PIK3CB: variants seen among roughly 807,000 people sequenced by gnomAD.
PIK3CB encodes phosphatidylinositol-4,5-bisphosphate 3-kinase catalytic subunit beta.
In PIK3CB, 39 loss-of-function variants were observed where a neutral mutation model predicts 136.8. The observed-to-expected ratio is 0.29, with a 90% CI of 0.22 to 0.37. PIK3CB has a LOEUF of 0.37. PIK3CB is among the 10% of genes least tolerant of loss of function. The pLI is 1.00. For missense variants in PIK3CB, 868 were observed against 1,275.4 expected (o/e 0.68, Z 4.87); for synonymous variants, 428 against 436.6 (o/e 0.98, Z 0.25).
At position 138,755,804 on chromosome 3, in the gene PIK3CB, C is replaced by A. The variant is rs1323338734; in HGVS notation, c.347G>T (p.Cys116Phe). Residue 116 changes from cysteine (C) to phenylalanine (F), a missense_variant, in exon 4 of 24, where the codon TGT (cysteine) becomes TTT (phenylalanine). Cys to Phe is a radical substitution (Grantham distance 205). This residue lies in a region of PIK3CB where 612 missense variants were observed against 801.1 expected (regional missense o/e 0.76). Transcript: ENST00000674063. ...TGAGTCTAATTTTTCCCCTGGGTCA[C>A]AACTTCTTGTCACTAATTTGAGAAC... ...LPVLKLVTRSCDPGEKLDSKI... is the reference protein window; with the variant it reads ...LPVLKLVTRSFDPGEKLDSKI... 2 of 1,612,788 alleles carry A rather than the reference C, an allele frequency of 1.2e-6. No individual in the cohort carries two copies. Among genetic ancestry groups the A allele is most frequent in the South Asian group, 2.2e-5 (2 of 91,012 alleles).
At chr3:138,815,627 T>C (rs182848868) in intron 1 of PIK3CB, among the ~76,000 whole-genome samples, 15 of 152,268 alleles carry the variant, frequency 9.9e-5, no homozygotes, top group Non-Finnish European at 1.3e-4. Flanking sequence ...ATAATGACCA[T>C]GCTATGCTGC....
At chr3:138,816,599 T>C (rs1576430040) in intron 1 of PIK3CB, among the ~76,000 whole-genome samples, 5 of 852 alleles carry the variant, frequency 5.9e-3, no homozygotes, top group Admixed American at 0.091. Context: ...TGTCTCAAAA[T>C]AAATAAATAA....
In PIK3CB at chr3:138,794,685, CAG is replaced by C. The variant is rs571820593; in HGVS notation, c.-17+1776_-17+1777del. On this transcript the variant is annotated intron_variant, in intron 2 of 23. Coordinates refer to ENST00000674063, the MANE Select transcript of PIK3CB (RefSeq NM_006219.3). ...CTAGGGTTACAACAGTGAACAAAAACAGAGGTCCATTTCTCATGGAGTTGATA... is the reference window on the plus strand; with the variant it reads ...CTAGGGTTACAACAGTGAACAAAAACAGGTCCATTTCTCATGGAGTTGATA... 3.9e-5 allele frequency among the ~76,000 whole-genome samples: 6 copies of C among 152,200 alleles called. No homozygotes were observed. In the East Asian group the frequency reaches 9.7e-4, roughly 24 times the overall value.
At chr3:138,765,145 C>A (rs558486245) in intron 2 of PIK3CB, among the ~76,000 whole-genome samples, 8 of 152,260 alleles carry the variant, frequency 5.3e-5, no homozygotes, top group Non-Finnish European at 1.0e-4. Flanking sequence ...CATGGCGAAA[C>A]CCTGTCTCTA....
intron 4 of PIK3CB, among the ~76,000 whole-genome samples, chr3:138,754,860 G>T (rs1320964491): frequency 6.6e-6 from 1 of 152,116 alleles, no homozygotes; most frequent in Non-Finnish European, 1.5e-5. Context: ...AATCTCCAGT[G>T]GATTTTCTGG....
intron 19 of PIK3CB, among the ~76,000 whole-genome samples, chr3:138,665,864 C>T (rs1229160745): frequency 6.6e-6 from 1 of 152,210 alleles, no homozygotes; most frequent in Non-Finnish European, 1.5e-5. Context: ...GCCACCACAT[C>T]AGAGCAGCAA....
At chr3:138,763,892 C>T (rs1320159557) in intron 2 of PIK3CB, among the ~76,000 whole-genome samples, 1 of 148,612 alleles carries the variant, frequency 6.7e-6, no homozygotes, top group East Asian at 2.1e-4. Flanking sequence ...GCGGGCAGAT[C>T]ATGGGGTCAG....
At chr3:138,680,266 G>A (rs1577064927) in intron 19 of PIK3CB, among the ~76,000 whole-genome samples, 2 of 151,936 alleles carry the variant, frequency 1.3e-5, no homozygotes, top group East Asian at 3.9e-4. Context: ...GCTGAGGCAG[G>A]AGAATCACTT....
chr3:138,826,206 G>T lies in PIK3CB; in HGVS notation c.-122+8489C>A, dbSNP rs1485903397. The stretch of plus-strand genomic sequence containing the variant: ...GAGCTTCTAGGACTATCCTCCTCTG[G>T]GTCATTTTGCTGCTCGTGATATGAA... On this transcript the variant is annotated intron_variant, in intron 1 of 23. Transcript: ENST00000674063. 11 of 1,344,562 alleles carry T rather than the reference G, an allele frequency of 8.2e-6. No individual in the cohort carries two copies. The Admixed American group carries it at 1.4e-4, about 17-fold the overall frequency. The allele number at this position is 1,344,562 out of a possible 1,614,324, so 83.3% of individuals were successfully genotyped here.
intron 19 of PIK3CB, among the ~76,000 whole-genome samples, chr3:138,668,996 T>C (rs546616653): frequency 6.6e-6 from 1 of 152,358 alleles, no homozygotes; most frequent in African/African-American, 2.4e-5. Context: ...ACCTTAGCCA[T>C]GGCTTCCAAA....
chr3:138,694,795 C>T lies in PIK3CB; in HGVS notation c.1883G>A (p.Arg628Gln), dbSNP rs780387670. Residue 628 changes from arginine to glutamine, a missense_variant, in exon 14 of 24, where the codon CGA (arginine) becomes CAA (glutamine). Physicochemically the swap from Arg to Gln is conservative, Grantham distance 43. Around this residue, in one of 4 missense-constraint regions of PIK3CB, gnomAD observed 612 missense variants for 801.1 expected, o/e 0.76. Coordinates refer to ENST00000674063, the MANE Select transcript of PIK3CB (RefSeq NM_006219.3). The part of the protein sequence containing the change: ...YVREYAVGCL[R>Q]QMSDEELSQY... ...CACCTGCAGAAGATACCTCATCTGT[C>T]GCAGGCAGCCTACAGCATATTCTCG... is the stretch of plus-strand genomic sequence containing the variant. 6.2e-6 allele frequency: 10 copies of T among 1,612,310 alleles called. No individual in the cohort carries two copies. The highest frequency in any genetic ancestry group is 4.5e-5 in the East Asian group (2 of 44,808).
intron 5 of PIK3CB, among the ~76,000 whole-genome samples, chr3:138,738,798 C>T (rs1172374290): frequency 6.6e-6 from 1 of 152,152 alleles, no homozygotes; most frequent in Non-Finnish European, 1.5e-5. Context: ...CAACCAACTG[C>T]TACTCTGAAC....
intron 21 of PIK3CB, among the ~76,000 whole-genome samples, chr3:138,660,200 C>T (rs913677722): frequency 4.6e-5 from 7 of 151,976 alleles, no homozygotes; most frequent in South Asian, 2.1e-4. Context: ...GGGCTATTGC[C>T]GCCACTCTAT....
intron 2 of PIK3CB, among the ~76,000 whole-genome samples, chr3:138,775,805 T>C (rs2045851322): frequency 6.6e-6 from 1 of 152,202 alleles, no homozygotes; most frequent in South Asian, 2.1e-4. Context: ...CAGGACAGCT[T>C]TTGGATACTG....
At chr3:138,788,529 C>T (rs1439226309) in intron 2 of PIK3CB, among the ~76,000 whole-genome samples, 1 of 150,556 alleles carries the variant, frequency 6.6e-6, no homozygotes, top group South Asian at 2.1e-4. Flanking sequence ...TGGTGGCATG[C>T]GCCTGTAATC....
intron 4 of PIK3CB, among the ~76,000 whole-genome samples, chr3:138,750,823 T>C (rs752261926): frequency 2.6e-5 from 4 of 152,156 alleles, no homozygotes; most frequent in Non-Finnish European, 4.4e-5. Flanking sequence ...AGGTGACCCT[T>C]TCTGACATAG....
intron 8 of PIK3CB, among the ~76,000 whole-genome samples, chr3:138,731,669 G>A (rs971521463): frequency 3.9e-5 from 6 of 151,900 alleles, no homozygotes; most frequent in African/African-American, 9.7e-5. Context: ...GAGGTTAACC[G>A]GCCATAAACA....
chr3:138,802,567 A>G (rs910803885), intron 1 of PIK3CB, among the ~76,000 whole-genome samples: 7 of 152,068 alleles, frequency 4.6e-5, no homozygotes, highest in East Asian at 3.9e-4. Context: ...AAAAGAGAGA[A>G]AAAAGGGCAA....
intron 13 of PIK3CB, among the ~76,000 whole-genome samples, chr3:138,696,013 C>T (rs1406439109): frequency 6.8e-6 from 1 of 147,920 alleles, no homozygotes; most frequent in Admixed American, 6.9e-5. Flanking sequence ...TCAGGTGATC[C>T]ACCCACCTTG....
Sources: gnomAD v4.1 joint callset for allele counts (sites outside exome capture counted in the v4.1 genomes callset) on GRCh38, gnomAD v4.1.1 for gene constraint, gnomAD v4.1.1 regional missense constraint, MANE v1.5 for transcripts, NCBI Gene and HGNC (gene_info 2026-07-23, HGNC 2026-07-21) for gene names.